Variants in ZNF560 observed in about 807,000 individuals in gnomAD.
ZNF560 encodes zinc finger protein 560.
In ZNF560, 54 loss-of-function variants were observed where a neutral mutation model predicts 81.8. That is an observed-to-expected ratio of 0.66 (90% CI 0.53 to 0.83). The LOEUF (loss-of-function observed/expected upper bound fraction) is 0.83. Among genes scored for constraint, ZNF560 ranks in the 40% least tolerant of loss-of-function variants. ZNF560 has a pLI of 0.00. For missense variants in ZNF560, 940 were observed against 932.4 expected (o/e 1.01, Z -0.11); for synonymous variants, 321 against 317.9 (o/e 1.01, Z -0.10).
At chr19:9,499,508 T>A (rs2073614090), upstream of ZNF560, among the ~76,000 whole-genome samples, 1 of 149,400 alleles carries the variant, frequency 6.7e-6, no homozygotes, top group Admixed American at 6.6e-5. Context: ...CTTATTGTAT[T>A]TTTTTTTCTT....
Position 9,466,665 on chromosome 19 carries a change from G to C in ZNF560, c.2282C>G (p.Thr761Ser), listed in dbSNP as rs775449370. 1.1e-5 allele frequency: 18 copies of C among 1,613,850 alleles called. No individual in the cohort carries two copies. ...TTCAAAGGGTTTCTCTCCCATATGA[G>C]TTCTTAAATGTTGAATACGTCCTGA... ...TSSGRIQHLR[T>S]HMGEKPFECD... Residue 761 changes from threonine to serine, a missense_variant, in exon 10 of 10, where the codon ACT (threonine) becomes AGT (serine). Coordinates refer to ENST00000301480, the MANE Select transcript of ZNF560 (RefSeq NM_152476.3).
At chr19:9,457,834 A>G in the ZNF560 span, among the ~76,000 whole-genome samples, 17 of 152,238 alleles carry the variant, frequency 1.1e-4, no homozygotes, top group Admixed American at 9.2e-4. Context: ...TCTGTTTTCT[A>G]TCTTTAGAGG....
At chr19:9,485,577 G>A (rs193124087) in intron 2 of ZNF560, among the ~76,000 whole-genome samples, 35 of 146,652 alleles carry the variant, frequency 2.4e-4, no homozygotes, top group Admixed American at 1.6e-3. Context: ...ACAGAGTCTC[G>A]CTCTGTCACC....
intron 5 of ZNF560, among the ~76,000 whole-genome samples, 179 bp downstream of exon 5, chr19:9,473,000 C>T (rs549582368): frequency 5.9e-5 from 9 of 152,332 alleles, no homozygotes; most frequent in African/African-American, 1.9e-4. Context: ...TCACCTGAAG[C>T]AGATGTCAGA....
Position 9,467,659 on chromosome 19 carries a change from T to C in ZNF560, c.1288A>G (p.Lys430Glu), listed in dbSNP as rs756772495. The change falls in exon 10 of 10, where the codon AAA becomes GAA. Residue 430 changes from lysine to glutamate, a missense_variant. Transcript: ENST00000301480. ...CCACAGTGGTCACATTTAAAGGTTT[T>C]CTCTCTGGCGTGACATCTTATATGT... ...IEHIRCHARE[K>E]TFKCDHCGKA... 1.2e-5 allele frequency: 20 copies of C among 1,614,124 alleles called. No individual in the cohort carries two copies. The Admixed American group carries it at 3.2e-4, about 26-fold the overall frequency.
At chr19:9,472,692 AGTAGAGTTATG>A (rs1568454941) in intron 5 of ZNF560, among the ~76,000 whole-genome samples, 1 of 152,160 alleles carries the variant, frequency 6.6e-6, no homozygotes, top group African/African-American at 2.4e-5. Flanking sequence ...ATTTCATTAC[AGTAGAGTTATG>A]GTAGAGTTGT....
chr19:9,469,173 G>C lies in ZNF560; in HGVS notation c.544C>G (p.Leu182Val). ...CAAAGGGCTGGCCCTTTGGTTTTCAGGCACATTTTCCATTCTGAAATAAAA... is the reference window on the plus strand; with the variant it reads ...CAAAGGGCTGGCCCTTTGGTTTTCACGCACATTTTCCATTCTGAAATAAAA... ...PRVLQEWKMC[L>V]KTKGPALWQD... is the part of the protein sequence containing the mutation. The change falls in exon 9 of 10, where the codon CTG (leucine) becomes GTG (valine). Residue 182 changes from leucine to valine, a missense_variant. Leu to Val is a conservative substitution (Grantham distance 32). Coordinates refer to ENST00000301480, the MANE Select transcript of ZNF560 (RefSeq NM_152476.3). 5 of 1,593,194 alleles carry C rather than the reference G, an allele frequency of 3.1e-6. No individual in the cohort carries two copies. The highest frequency in any genetic ancestry group is 4.3e-6 in the Non-Finnish European group (5 of 1,172,408).
intron 4 of ZNF560, among the ~76,000 whole-genome samples, chr19:9,473,864 A>G (rs1250290434): frequency 6.6e-6 from 1 of 152,228 alleles, no homozygotes; most frequent in Non-Finnish European, 1.5e-5. Flanking sequence ...AGACCCTTGT[A>G]TACTTGGAGA....
chr19:9,480,211 C>A (rs2073265047), intron 2 of ZNF560, among the ~76,000 whole-genome samples: 1 of 152,116 alleles, frequency 6.6e-6, no homozygotes, highest in Admixed American at 6.5e-5. Context: ...CAAGATAGAT[C>A]ATATGTTAGG....
the ZNF560 span, among the ~76,000 whole-genome samples, chr19:9,451,801 G>A: frequency 7.2e-5 from 11 of 152,124 alleles, no homozygotes; most frequent in South Asian, 6.2e-4. Context: ...ATGGTTTGGC[G>A]CAGTGTCTCA....
chr19:9,497,114 T>C (rs2144733942), intron 2 of ZNF560, among the ~76,000 whole-genome samples: 1 of 149,510 alleles, frequency 6.7e-6, no homozygotes, highest in African/African-American at 2.5e-5. Context: ...ACATCCTGCC[T>C]CAAAAAAACT....
chr19:9,464,938 G>A (rs949104793), downstream of ZNF560, among the ~76,000 whole-genome samples: 3 of 151,940 alleles, frequency 2.0e-5, no homozygotes, highest in Non-Finnish European at 4.4e-5. Flanking sequence ...ATTCACTAAA[G>A]GACGAAGAAT....
chr19:9,495,097 A>G (rs1379712029), intron 2 of ZNF560, among the ~76,000 whole-genome samples: 1 of 152,184 alleles, frequency 6.6e-6, no homozygotes, highest in Non-Finnish European at 1.5e-5. Flanking sequence ...CCGAGGTTGC[A>G]CCACCGCACT....
rs375539809 is a variant in ZNF560, at chr19:9,474,164, C to T, written c.157+35G>A. On this transcript the variant is annotated intron_variant, in intron 4 of 9. Transcript: ENST00000301480. ...AGCAAGTACACAATGTATATCTCTTCCCTAAGAGGCTGCATAAAATGATGG... is the reference window on the plus strand; with the variant it reads ...AGCAAGTACACAATGTATATCTCTTTCCTAAGAGGCTGCATAAAATGATGG... The T allele has an allele frequency of 8.1e-6, 13 of 1,613,138 alleles. No individual in the cohort carries two copies. In the African/African-American group the frequency reaches 1.7e-4, roughly 22 times the overall value.
the ZNF560 span, among the ~76,000 whole-genome samples, chr19:9,455,560 G>T: frequency 6.6e-6 from 1 of 152,130 alleles, no homozygotes; most frequent in African/African-American, 2.4e-5. Context: ...ATCTCTTCAG[G>T]TGGAGAACAA....
intron 5 of ZNF560, 48 bp from the exon 6 acceptor site, chr19:9,471,426 G>GTTTTTT (rs2073120734): frequency 7.9e-7 from 1 of 1,272,950 alleles, no homozygotes. Flanking sequence ...TAAAAAAAAA[G>GTTTTTT]GTAAAATGAA....
In ZNF560 at chr19:9,467,673, C is replaced by T. The variant is rs1245043480; in HGVS notation, c.1274G>A (p.Cys425Tyr). 2 of 1,613,858 alleles carry T rather than the reference C, an allele frequency of 1.2e-6. No homozygotes were observed. Among genetic ancestry groups the T allele is most frequent in the Non-Finnish European group, 1.7e-6 (2 of 1,179,998 alleles). The change falls in exon 10 of 10, where the codon TGT becomes TAT. Residue 425 changes from cysteine to tyrosine, a missense_variant. Physicochemically the swap from Cys to Tyr is radical, Grantham distance 194. Coordinates refer to ENST00000301480, the MANE Select transcript of ZNF560 (RefSeq NM_152476.3). ...TSAGLIEHIR[C>Y]HAREKTFKCD... ...TTTAAAGGTTTTCTCTCTGGCGTGA[C>T]ATCTTATATGTTCAATAAGGCCTGC...
rs144133778 is a variant in ZNF560, at chr19:9,467,064, T to C, written c.1883A>G (p.Tyr628Cys). ...HLRRHTGDKP[Y>C]EYKDCGKAFV... ...GGCTTTCCCACAGTCCTTATATTCA[T>C]AGGGCTTATCTCCAGTGTGTCTTCG... The change falls in exon 10 of 10, where the codon TAT (tyrosine) becomes TGT (cysteine). Residue 628 changes from tyrosine (Y) to cysteine (C), a missense_variant. By Grantham distance (194) the Tyr-to-Cys change is radical. Coordinates refer to ENST00000301480, the MANE Select transcript of ZNF560 (RefSeq NM_152476.3). The C allele has an allele frequency of 1.8e-4, 298 of 1,613,696 alleles. 1 individual carries two copies. The highest frequency in any genetic ancestry group is 5.0e-5 in the Non-Finnish European group (59 of 1,179,954).
At chr19:9,475,121 T>C (rs1326912829) in intron 3 of ZNF560, among the ~76,000 whole-genome samples, 163 bp downstream of exon 3, 1 of 152,118 alleles carries the variant, frequency 6.6e-6, no homozygotes, top group Non-Finnish European at 1.5e-5. Flanking sequence ...GGATTATCAG[T>C]ATGAGAACCT....
Sources: allele counts gnomAD v4.1 joint callset (sites outside exome capture counted in the v4.1 genomes callset), GRCh38; gene constraint gnomAD v4.1.1; transcripts MANE v1.5; gene names NCBI Gene and HGNC (gene_info 2026-07-23, HGNC 2026-07-21).